Variants in PLEKHG4B observed in about 807,000 individuals in gnomAD.
PLEKHG4B encodes the protein pleckstrin homology domain-containing family G member 4B.
PLEKHG4B carries 111 observed loss-of-function variants against 121.3 expected under a neutral mutation model. The observed-to-expected ratio is 0.92, with a 90% CI of 0.78 to 1.07. PLEKHG4B has a LOEUF of 1.07. Among genes scored for constraint, PLEKHG4B ranks in the 50% least tolerant of loss-of-function variants. The probability of loss-of-function intolerance (pLI) is 0.00; values close to 1 mark genes in which losing one functional copy is unlikely to be tolerated. For synonymous variants in PLEKHG4B, 738 were observed against 725.0 expected (o/e 1.02, Z -0.29); for missense variants, 1,831 against 1,757.8 (o/e 1.04, Z -0.74).
chr5:119,579 C>T (rs891315702), intron 2 of PLEKHG4B, among the ~76,000 whole-genome samples: 1 of 152,092 alleles, frequency 6.6e-6, no homozygotes, highest in African/African-American at 2.4e-5. Context: ...CTAGAGGAGC[C>T]TACACAATTG....
Position 188,023 on chromosome 5 carries a change from C to G in PLEKHG4B, c.*5700C>G, listed in dbSNP as rs1187886615. The G allele has an allele frequency of 1.3e-5, 2 of 152,348 alleles. No homozygotes were observed. The highest frequency in any genetic ancestry group is 2.9e-5 in the Non-Finnish European group (2 of 68,176). 9.4% of individuals were successfully genotyped at this position (152,348 alleles called of 1,614,324 possible). On this transcript the variant is annotated 3_prime_UTR_variant, in exon 20 of 20. Transcript: ENST00000637938. ...CAGGCATCCCTGGCCCCCCTTTGCCCCCGCCCTGCTCTCAGGAGCCCCCTG... is the reference window on the plus strand; with the variant it reads ...CAGGCATCCCTGGCCCCCCTTTGCCGCCGCCCTGCTCTCAGGAGCCCCCTG...
chr5:140,755 A>G, intron 3 of PLEKHG4B, 39 bp downstream of exon 3: 2 of 1,350,764 alleles, frequency 1.5e-6, no homozygotes, highest in Non-Finnish European at 1.9e-6. Flanking sequence ...CACCCCCACA[A>G]CCTCCCCTAC....
chr5:165,183 G>C (rs62344143), intron 13 of PLEKHG4B, among the ~76,000 whole-genome samples: 121 of 19,836 alleles, frequency 6.1e-3, no homozygotes, highest in African/African-American at 1.0e-2. Flanking sequence ...GGGGCTCACA[G>C]TACTCCTCTG....
chr5:111,670 C>T (rs971014596), intron 1 of PLEKHG4B, among the ~76,000 whole-genome samples: 2 of 152,154 alleles, frequency 1.3e-5, no homozygotes, highest in African/African-American at 2.4e-5. Context: ...GGCCCAGTGT[C>T]GGCATTTCAT....
intron 18 of PLEKHG4B, among the ~76,000 whole-genome samples, chr5:177,568 C>T (rs944601626): frequency 2.0e-5 from 3 of 152,206 alleles, no homozygotes; most frequent in East Asian, 1.9e-4. Flanking sequence ...TTACCTCCTC[C>T]GAAGAAAGAA....
chr5:163,275 C>G lies in PLEKHG4B; in HGVS notation c.3203C>G (p.Ala1068Gly), dbSNP rs143715481. ...TCCTCTGAGCCCACCCAGACCCTGG[C>G]CAGCCGCCCCAGGAAACATCCCCAG... ...ACSSEPTQTL[A>G]SRPRKHPQKK... Residue 1068 changes from alanine (A) to glycine (G), a missense_variant, in exon 13 of 20, where the codon GCC becomes GGC. Ala to Gly is a moderately conservative substitution (Grantham distance 60). Transcript: ENST00000637938. 2.5e-6 allele frequency: 4 copies of G among 1,612,904 alleles called. No homozygotes were observed. In the African/African-American group the frequency reaches 4.0e-5, roughly 16 times the overall value.
intron 1 of PLEKHG4B, among the ~76,000 whole-genome samples, chr5:99,956 C>T (rs544468345): frequency 6.6e-6 from 1 of 152,116 alleles, no homozygotes; most frequent in Non-Finnish European, 1.5e-5. Context: ...TGTCAGATGC[C>T]TGTTCTGTGT....
rs1735600547 is a variant in PLEKHG4B, at chr5:151,464, T to G, written c.1906-49T>G. The G allele has an allele frequency of 4.6e-6, 6 of 1,309,102 alleles. No individual in the cohort carries two copies. In the Admixed American group the frequency reaches 1.2e-4, roughly 27 times the overall value. 81.1% of individuals were successfully genotyped at this position (1,309,102 alleles called of 1,614,324 possible). ...AAATTGGGCAATTCTATTAATGAAG[T>G]TAAAAATTAGAAAGCTAATCAGTAA... On this transcript the variant is annotated intron_variant, in intron 6 of 19. Coordinates refer to ENST00000637938, the MANE Select transcript of PLEKHG4B (RefSeq NM_052909.5).
At chr5:114,703 C>G (rs535081294) in intron 2 of PLEKHG4B, among the ~76,000 whole-genome samples, 1 of 152,154 alleles carries the variant, frequency 6.6e-6, no homozygotes, top group African/African-American at 2.4e-5. Flanking sequence ...GTGATCCACC[C>G]GCCCCAGCCT....
rs370770853 is a variant in PLEKHG4B at position 172,945 on chromosome 5, G to C, written c.4099G>C (p.Val1367Leu). Residue 1367 changes from valine to leucine, a missense_variant, in exon 17 of 20, where the codon GTT (valine) becomes CTT (leucine). Physicochemically the swap from Val to Leu is conservative, Grantham distance 32. Coordinates refer to ENST00000637938, the MANE Select transcript of PLEKHG4B (RefSeq NM_052909.5). ...GCTGAGATGCCGGGATGAGTTTATCGTTTGCTGCGGGAGGAAGAAGTATCT... is the reference window on the plus strand; with the variant it reads ...GCTGAGATGCCGGGATGAGTTTATCCTTTGCTGCGGGAGGAAGAAGTATCT... ...GQLRCRDEFI[V>L]CCGRKKYLRH... is the part of the protein sequence containing the mutation. 3.7e-6 allele frequency: 6 copies of C among 1,614,178 alleles called. No homozygotes were observed. Among genetic ancestry groups the C allele is most frequent in the Non-Finnish European group, 5.1e-6 (6 of 1,180,032 alleles).
At chr5:138,713 A>G (rs1300203989) in intron 2 of PLEKHG4B, among the ~76,000 whole-genome samples, 1 of 152,196 alleles carries the variant, frequency 6.6e-6, no homozygotes, top group East Asian at 1.9e-4. Context: ...GTTGAACTTG[A>G]ACTTGGTGTA....
At position 177,628 on chromosome 5, in the gene PLEKHG4B, G is replaced by T. The variant is rs368079592; in HGVS notation, c.4402+3530G>T. 2.0e-4 allele frequency among the ~76,000 whole-genome samples: 31 copies of T among 152,322 alleles called. No individual in the cohort carries two copies. In the East Asian group the frequency reaches 5.8e-3, roughly 28 times the overall value. The stretch of plus-strand genomic sequence containing the variant: ...AAAAGAGACCCAGGCAAGTTTCAGA[G>T]CAGGAGTGGAAGTTTATTTAAAAAG... On this transcript the variant is annotated intron_variant, in intron 18 of 19. Transcript: ENST00000637938.
At chr5:173,497 G>A (rs1736639830) in intron 17 of PLEKHG4B, among the ~76,000 whole-genome samples, 2 of 152,120 alleles carry the variant, frequency 1.3e-5, no homozygotes, top group African/African-American at 4.8e-5. Flanking sequence ...GTCCATGAGG[G>A]TGCATGGGCT....
intron 11 of PLEKHG4B, among the ~76,000 whole-genome samples, chr5:160,186 C>G (rs750403691): frequency 7.2e-5 from 11 of 152,254 alleles, no homozygotes; most frequent in South Asian, 6.2e-4. Context: ...GCCTCGGCAC[C>G]CTGTGTGTGG....
At position 183,975 on chromosome 5, in the gene PLEKHG4B, A is replaced by AGATAGATAGATCGATC. The variant is rs1491288668; in HGVS notation, c.*1663_*1664insCGATCGATAGATAGAT. 4 of 66,888 alleles carry AGATAGATAGATCGATC rather than the reference A, an allele frequency of 6.0e-5. No homozygotes were observed. Among genetic ancestry groups the AGATAGATAGATCGATC allele is most frequent in the African/African-American group, 2.6e-4 (4 of 15,392 alleles). The allele number at this position is 66,888 out of a possible 1,614,324, so 4.1% of individuals were successfully genotyped here. A position where few individuals can be genotyped will look rare whatever the true frequency, so the allele number is the denominator to read the frequency against. On this transcript the variant is annotated 3_prime_UTR_variant, in exon 20 of 20. Transcript: ENST00000637938. ...TAGCTAGATATATATACAGACAGATAGATAGATAGATAGATCGATAGATAG... is the reference window on the plus strand; with the variant it reads ...TAGCTAGATATATATACAGACAGATAGATAGATAGATCGATCGATAGATAGATAGATCGATAGATAG...
At chr5:115,579 C>T (rs1157102744) in intron 2 of PLEKHG4B, among the ~76,000 whole-genome samples, 2 of 152,220 alleles carry the variant, frequency 1.3e-5, no homozygotes, top group Non-Finnish European at 2.9e-5. Context: ...GTTTTGTCTA[C>T]GTTGAAAATC....
At chr5:149,678 C>T (rs1275017856) in intron 6 of PLEKHG4B, among the ~76,000 whole-genome samples, 1 of 152,088 alleles carries the variant, frequency 6.6e-6, no homozygotes, top group African/African-American at 2.4e-5. Context: ...TCAACAACAA[C>T]AAAAACCAAA....
Position 183,871 on chromosome 5 carries a change from C to A in PLEKHG4B, c.*1548C>A. 6.6e-6 allele frequency: 1 copy of A among 152,106 alleles called. No homozygotes were observed. Among genetic ancestry groups the A allele is most frequent in the East Asian group, 1.9e-4 (1 of 5,202 alleles). The allele number at this position is 152,106 out of a possible 1,614,324, so 9.4% of individuals were successfully genotyped here. A position where few individuals can be genotyped will look rare whatever the true frequency, so the allele number is the denominator to read the frequency against. The stretch of plus-strand genomic sequence containing the variant: ...AACAGATTGGATTTCACAGAAGAGA[C>A]CATGAGGCACCTTGAAGACACATCA... On this transcript the variant is annotated 3_prime_UTR_variant, in exon 20 of 20. Coordinates refer to ENST00000637938, the MANE Select transcript of PLEKHG4B (RefSeq NM_052909.5).
chr5:101,728 G>A (rs576849332), intron 1 of PLEKHG4B, among the ~76,000 whole-genome samples: 1 of 139,634 alleles, frequency 7.2e-6, no homozygotes, highest in Non-Finnish European at 1.5e-5. Context: ...AAGCCTGTAG[G>A]GGAGAGACTG....
Sources: allele counts gnomAD v4.1 joint callset (sites outside exome capture counted in the v4.1 genomes callset), GRCh38; gene constraint gnomAD v4.1.1; transcripts MANE v1.5; gene names NCBI Gene and HGNC (gene_info 2026-07-23, HGNC 2026-07-21).